MAGI3: variants seen among roughly 807,000 people sequenced by gnomAD.
The protein encoded by MAGI3 is membrane associated guanylate kinase, WW and PDZ domain containing 3.
In MAGI3, 43 loss-of-function variants were observed where a neutral mutation model predicts 121.8. The ratio of observed to expected loss-of-function variants is 0.35; its 90% CI spans 0.28 to 0.46. The LOEUF (loss-of-function observed/expected upper bound fraction) is 0.46. MAGI3 is among the 20% of genes least tolerant of loss of function. The probability of loss-of-function intolerance (pLI) is 1.00; values close to 1 mark genes in which losing one functional copy is unlikely to be tolerated. For synonymous variants in MAGI3, 553 were observed against 639.3 expected (o/e 0.86, Z 2.04); for missense variants, 1,547 against 1,797.3 (o/e 0.86, Z 2.52).
intron 1 of MAGI3, among the ~76,000 whole-genome samples, chr1:113,407,206 A>C (rs1651727506): frequency 6.6e-6 from 1 of 152,176 alleles, no homozygotes; most frequent in Non-Finnish European, 1.5e-5. Context: ...ATGTGGAAGG[A>C]GGGCAAGAGT....
chr1:113,587,828 A>G (rs1395268313), intron 4 of MAGI3, among the ~76,000 whole-genome samples: 4 of 152,308 alleles, frequency 2.6e-5, no homozygotes, highest in African/African-American at 4.8e-5. Context: ...CAACATGGTT[A>G]TTTCCCAAGA....
intron 6 of MAGI3, among the ~76,000 whole-genome samples, chr1:113,603,366 AACAAC>A (rs1363947698): frequency 5.9e-5 from 9 of 151,930 alleles, no homozygotes; most frequent in Admixed American, 2.6e-4. Flanking sequence ...CAACAACAAC[AACAAC>A]AACAACAAAA....
chr1:113,476,324 T>C (rs1655817587), intron 1 of MAGI3, among the ~76,000 whole-genome samples: 1 of 152,220 alleles, frequency 6.6e-6, no homozygotes, highest in Non-Finnish European at 1.5e-5. Context: ...AGGGTGTCAA[T>C]TTTAGATCTT....
chr1:113,450,235 C>G, intron 1 of MAGI3: 11 of 1,599,286 alleles, frequency 6.9e-6, no homozygotes, highest in South Asian at 1.1e-5. Flanking sequence ...GAAAAAGGCC[C>G]TTTCTAAACA....
At chr1:113,549,979 G>A (rs1384776222) in intron 2 of MAGI3, among the ~76,000 whole-genome samples, 1 of 151,796 alleles carries the variant, frequency 6.6e-6, no homozygotes, top group Non-Finnish European at 1.5e-5. Context: ...AGCCGAGTGT[G>A]GTGGCGGGCG....
chr1:113,423,225 A>T (rs1652817636), intron 1 of MAGI3, among the ~76,000 whole-genome samples: 1 of 131,490 alleles, frequency 7.6e-6, no homozygotes. Context: ...ATCTGCAGGC[A>T]GGTTGTCCTG....
At chr1:113,445,463 G>A (rs542109112) in intron 1 of MAGI3, among the ~76,000 whole-genome samples, 19 of 152,046 alleles carry the variant, frequency 1.2e-4, no homozygotes, top group Non-Finnish European at 2.4e-4. Context: ...AAAAAAATGA[G>A]TCAGGTGTGT....
At chr1:113,513,127 G>A (rs1355864383) in intron 1 of MAGI3, among the ~76,000 whole-genome samples, 1 of 152,058 alleles carries the variant, frequency 6.6e-6, no homozygotes, top group Admixed American at 6.5e-5. Context: ...AAATAAAGGA[G>A]GATACAAAGA....
chr1:113,552,730 C>G (rs926681423), intron 2 of MAGI3, among the ~76,000 whole-genome samples: 3 of 152,178 alleles, frequency 2.0e-5, no homozygotes, highest in African/African-American at 7.2e-5. Context: ...AGCTGTAGCC[C>G]TTTTAGATCT....
At chr1:113,451,623 G>A (rs1279134851) in intron 1 of MAGI3, among the ~76,000 whole-genome samples, 1 of 152,054 alleles carries the variant, frequency 6.6e-6, no homozygotes, top group African/African-American at 2.4e-5. Context: ...ATCAATTAAG[G>A]AGGGAATTTT....
Position 113,685,568 on chromosome 1 carries a change from T to TAAC in MAGI3, c.*1555_*1557dup, listed in dbSNP as rs2101048271. 1 of 152,384 alleles carries TAAC rather than the reference T, an allele frequency of 6.6e-6. No individual in the cohort carries two copies. Among genetic ancestry groups the TAAC allele is most frequent in the South Asian group, 2.1e-4 (1 of 4,832 alleles). 9.4% of individuals were successfully genotyped at this position (152,384 alleles called of 1,614,324 possible). A position where few individuals can be genotyped will look rare whatever the true frequency, so the allele number is the denominator to read the frequency against. ...CAGAACTATATTTACCCACCTATTGTAACTATTCAAATAGAGCAAAATTAG... is the reference window on the plus strand; with the variant it reads ...CAGAACTATATTTACCCACCTATTGTAACAACTATTCAAATAGAGCAAAATTAG... On this transcript the variant is annotated 3_prime_UTR_variant, in exon 21 of 21. Transcript: ENST00000307546.
chr1:113,616,885 CTTTTT>C (rs36011283), intron 7 of MAGI3, among the ~76,000 whole-genome samples: 2 of 134,136 alleles, frequency 1.5e-5, no homozygotes, highest in Non-Finnish European at 1.6e-5. Context: ...ACAACTAAAA[CTTTTT>C]TTTTTTTTTT....
chr1:113,457,653 C>A (rs535657867), intron 1 of MAGI3, among the ~76,000 whole-genome samples: 1 of 151,564 alleles, frequency 6.6e-6, no homozygotes, highest in African/African-American at 2.4e-5. Context: ...ATATTCTGTT[C>A]TTAAGAGGAT....
At chr1:113,622,754 A>G (rs1015610193) in intron 8 of MAGI3, 52 bp from the exon 9 acceptor site, 5 of 1,374,452 alleles carry the variant, frequency 3.6e-6, no homozygotes, top group Admixed American at 2.5e-5. Flanking sequence ...TCTGAGTGCT[A>G]TATTCATTGT....
intron 2 of MAGI3, among the ~76,000 whole-genome samples, chr1:113,569,786 AAAT>A (rs1458478512): frequency 6.6e-6 from 1 of 152,174 alleles, no homozygotes; most frequent in African/African-American, 2.4e-5. Flanking sequence ...CTTAGAGATA[AAAT>A]AATGATGCAG....
intron 1 of MAGI3, among the ~76,000 whole-genome samples, chr1:113,483,040 C>T (rs1291166873): frequency 1.3e-5 from 2 of 152,120 alleles, no homozygotes; most frequent in Non-Finnish European, 2.9e-5. Context: ...AACTTCTGAG[C>T]TCAAGAGATC....
At chr1:113,676,013 C>T (rs921467056) in intron 19 of MAGI3, among the ~76,000 whole-genome samples, 3 of 151,380 alleles carry the variant, frequency 2.0e-5, no homozygotes. Flanking sequence ...GTCCTTTCCC[C>T]TCCCCTCCCC....
At chr1:113,508,403 C>T (rs1657450837) in intron 1 of MAGI3, among the ~76,000 whole-genome samples, 1 of 152,154 alleles carries the variant, frequency 6.6e-6, no homozygotes, top group African/African-American at 2.4e-5. Context: ...GTTGTTTTTG[C>T]AGGCCTGGCT....
intron 2 of MAGI3, among the ~76,000 whole-genome samples, chr1:113,579,347 C>T (rs1207256387): frequency 1.3e-5 from 2 of 152,000 alleles, no homozygotes; most frequent in East Asian, 1.9e-4. Flanking sequence ...GACATGACAA[C>T]GACCTTGAAA....
Sources: allele counts gnomAD v4.1 joint callset (sites outside exome capture counted in the v4.1 genomes callset), GRCh38; gene constraint gnomAD v4.1.1; transcripts MANE v1.5; gene names NCBI Gene and HGNC (gene_info 2026-07-23, HGNC 2026-07-21).